The following SMARCAD1 variants were observed in gnomAD, a reference collection of about 807,000 sequenced individuals.
The protein encoded by SMARCAD1 is SWI/SNF-related matrix-associated actin-dependent regulator of chromatin subfamily A containing DEAD/H box 1.
A neutral mutation model predicts 127.1 loss-of-function variants in SMARCAD1; 25 were observed. The ratio of observed to expected loss-of-function variants is 0.20; its 90% CI spans 0.14 to 0.27. The LOEUF is 0.27. Ranked by LOEUF, SMARCAD1 falls within the 10% of genes least tolerant of loss-of-function variation. SMARCAD1 has a pLI of 1.00. For synonymous variants in SMARCAD1, 400 were observed against 396.9 expected (o/e 1.01, Z -0.09); for missense variants, 807 against 1,206.0 (o/e 0.67, Z 4.90).
rs572404071 is a variant in SMARCAD1, at chr4:94,267,399, A to G, written c.1481+2493A>G. On this transcript the variant is annotated intron_variant, in intron 10 of 23. Coordinates refer to ENST00000354268, the MANE Select transcript of SMARCAD1 (RefSeq NM_020159.5). Reference sequence around the variant, plus strand: ...ACGGGACATAAACTTTTGGTCGGACAGCATCCGTAACCTGTTTTCTATGAA... The same window carrying G: ...ACGGGACATAAACTTTTGGTCGGACGGCATCCGTAACCTGTTTTCTATGAA... Among the ~76,000 whole-genome samples the G allele has an allele frequency of 6.6e-5, 10 of 152,326 alleles. No individual in the cohort carries two copies. The East Asian group carries it at 1.5e-3, about 23-fold the overall frequency.
intron 23 of SMARCAD1, among the ~76,000 whole-genome samples, chr4:94,287,066 G>A (rs1366823059): frequency 2.0e-5 from 3 of 152,082 alleles, no homozygotes; most frequent in Non-Finnish European, 2.9e-5. Context: ...GGGTTTCACC[G>A]TATTAGCCAG....
intron 4 of SMARCAD1, among the ~76,000 whole-genome samples, chr4:94,235,456 T>TGA (rs1746504662): frequency 6.6e-6 from 1 of 151,976 alleles, no homozygotes; most frequent in Admixed American, 6.6e-5. Flanking sequence ...TAGGTGGTCC[T>TGA]GTGCCTGCCA....
At chr4:94,243,319 T>C (rs923381134) in intron 6 of SMARCAD1, among the ~76,000 whole-genome samples, 1 of 152,204 alleles carries the variant, frequency 6.6e-6, no homozygotes, top group African/African-American at 2.4e-5. Flanking sequence ...GCAGGTACCA[T>C]GAGAGTCTGA....
intron 2 of SMARCAD1, among the ~76,000 whole-genome samples, chr4:94,225,000 G>A (rs1195456291): frequency 2.0e-5 from 3 of 152,098 alleles, no homozygotes; most frequent in Admixed American, 6.5e-5. Flanking sequence ...ACTTTAATAC[G>A]ACTCCCTTCA....
At chr4:94,231,079 G>A (rs1181081387) in intron 3 of SMARCAD1, among the ~76,000 whole-genome samples, 1 of 152,216 alleles carries the variant, frequency 6.6e-6, no homozygotes, top group Non-Finnish European at 1.5e-5. Context: ...TGCGAAAGAT[G>A]TAAAAACAAT....
In SMARCAD1 at chr4:94,252,828, A is replaced by C; in HGVS notation, c.1102A>C (p.Ser368Arg). 1 of 1,614,086 alleles carries C rather than the reference A, an allele frequency of 6.2e-7. No individual in the cohort carries two copies. Among genetic ancestry groups the C allele is most frequent in the Non-Finnish European group, 8.5e-7 (1 of 1,179,954 alleles). The stretch of plus-strand genomic sequence containing the variant: ...ATATGATTCAGGTTCTGATGTCGGT[A>C]GTTCACTAGATGAGGACTATAGTAG... ...SEYDSGSDVGSSLDEDYSSGE... is the reference protein window; with the variant it reads ...SEYDSGSDVGRSLDEDYSSGE... Residue 368 changes from serine (S) to arginine (R), a missense_variant, in exon 9 of 24, where the codon AGT becomes CGT. By Grantham distance (110) the Ser-to-Arg change is moderately radical. Coordinates refer to ENST00000354268, the MANE Select transcript of SMARCAD1 (RefSeq NM_020159.5).
At chr4:94,272,518 T>C (rs977824275) in intron 11 of SMARCAD1, among the ~76,000 whole-genome samples, 1 of 152,212 alleles carries the variant, frequency 6.6e-6, no homozygotes, top group African/African-American at 2.4e-5. Context: ...TCATGCTTTT[T>C]TCCAGTTACT....
Position 94,264,807 on chromosome 4 carries a change from A to G in SMARCAD1, c.1382A>G (p.Lys461Arg). 6.2e-7 allele frequency: 1 copy of G among 1,613,152 alleles called. No homozygotes were observed. The highest frequency in any genetic ancestry group is 8.5e-7 in the Non-Finnish European group (1 of 1,179,350). ...GATGTAGTTATAAGGCTTATGAACAAATGTGAAGACATTTCAAATAAATTG... is the reference window on the plus strand; with the variant it reads ...GATGTAGTTATAAGGCTTATGAACAGATGTGAAGACATTTCAAATAAATTG... ...ERDVVIRLMN[K>R]CEDISNKLTK... Residue 461 changes from lysine (K) to arginine (R), a missense_variant, in exon 10 of 24, where the codon AAA becomes AGA. Physicochemically the swap from Lys to Arg is conservative, Grantham distance 26. Coordinates refer to ENST00000354268, the MANE Select transcript of SMARCAD1 (RefSeq NM_020159.5).
chr4:94,261,871 A>G (rs1332980342), intron 9 of SMARCAD1, among the ~76,000 whole-genome samples: 1 of 152,098 alleles, frequency 6.6e-6, no homozygotes, highest in African/African-American at 2.4e-5. Flanking sequence ...TGGCCTCCCA[A>G]CATGCTGGGA....
At chr4:94,267,413 G>C (rs1183756694) in intron 10 of SMARCAD1, among the ~76,000 whole-genome samples, 9 of 152,084 alleles carry the variant, frequency 5.9e-5, no homozygotes, top group African/African-American at 1.7e-4. Context: ...TCCGTAACCT[G>C]TTTTCTATGA....
chr4:94,242,684 G>T (rs1747776515), intron 6 of SMARCAD1, among the ~76,000 whole-genome samples: 1 of 150,658 alleles, frequency 6.6e-6, no homozygotes, highest in Non-Finnish European at 1.5e-5. Context: ...CAGGAGGATT[G>T]CTTGAGCCCA....
chr4:94,254,149 AAAT>A (rs1413846792), intron 9 of SMARCAD1, among the ~76,000 whole-genome samples: 1 of 152,202 alleles, frequency 6.6e-6, no homozygotes, highest in Non-Finnish European at 1.5e-5. Context: ...TAGCTTTAAA[AAAT>A]AATAATAAAA....
chr4:94,208,720 C>T, intron 2 of SMARCAD1, 136 bp downstream of exon 2: 2 of 851,264 alleles, frequency 2.3e-6, no homozygotes, highest in South Asian at 1.6e-5. Flanking sequence ...TTAAATACAG[C>T]TTTGGGACTG....
intron 3 of SMARCAD1, among the ~76,000 whole-genome samples, chr4:94,231,206 G>A (rs1745793372): frequency 6.6e-6 from 1 of 152,062 alleles, no homozygotes; most frequent in Non-Finnish European, 1.5e-5. Context: ...CACAGTGCCC[G>A]GAAACCCTGG....
At chr4:94,261,574 G>A (rs996744731) in intron 9 of SMARCAD1, among the ~76,000 whole-genome samples, 4 of 152,162 alleles carry the variant, frequency 2.6e-5, no homozygotes, top group African/African-American at 9.7e-5. Flanking sequence ...ACCATGTGGT[G>A]TATTTTATAT....
intron 23 of SMARCAD1, 29 bp downstream of exon 23, chr4:94,285,098 T>C (rs1400045011): frequency 2.3e-6 from 3 of 1,331,728 alleles, no homozygotes; most frequent in Non-Finnish European, 2.1e-6. Context: ...GAAACTTCAA[T>C]ATTTATCTAT....
At position 94,277,101 on chromosome 4, in the gene SMARCAD1, T is replaced by C; in HGVS notation, c.2024T>C (p.Met675Thr). ...CTCATGTCGCTGTTGAATTTTGTTA[T>C]GCCACACATGTTTAGTAGTAGCACC... ...LELMSLLNFV[M>T]PHMFSSSTSE... The change falls in exon 16 of 24, where the codon ATG (methionine) becomes ACG (threonine). Residue 675 changes from methionine to threonine, a missense_variant. Physicochemically the swap from Met to Thr is moderately conservative, Grantham distance 81. Transcript: ENST00000354268. 2.5e-6 allele frequency: 4 copies of C among 1,614,112 alleles called. No homozygotes were observed. The highest frequency in any genetic ancestry group is 2.2e-5 in the East Asian group (1 of 44,856).
At chr4:94,221,195 A>G (rs1744066098) in intron 2 of SMARCAD1, among the ~76,000 whole-genome samples, 1 of 152,212 alleles carries the variant, frequency 6.6e-6, no homozygotes, top group Non-Finnish European at 1.5e-5. Context: ...CATTTCTGAG[A>G]AGATCAATGG....
intron 9 of SMARCAD1, chr4:94,253,711 T>C (rs1749640064): frequency 1.0e-6 from 1 of 996,074 alleles, no homozygotes; most frequent in South Asian, 4.4e-5. Flanking sequence ...GAATTTGACT[T>C]TCTATAAACA....
Sources: gnomAD v4.1 joint callset for allele counts (sites outside exome capture counted in the v4.1 genomes callset) on GRCh38, gnomAD v4.1.1 for gene constraint, MANE v1.5 for transcripts, NCBI Gene and HGNC (gene_info 2026-07-23, HGNC 2026-07-21) for gene names.